SGIP1: variants seen among roughly 807,000 people sequenced by gnomAD.
SGIP1 encodes the protein SH3GL interacting endocytic adaptor 1, also known as SH3-containing GRB2-like protein 3-interacting protein 1.
Under a neutral mutation model 107.5 loss-of-function variants are expected in SGIP1, and 38 were observed. That is an observed-to-expected ratio of 0.35 (90% confidence interval 0.27 to 0.46). SGIP1 has a LOEUF of 0.46. Ranked by LOEUF, SGIP1 falls within the 20% of genes least tolerant of loss-of-function variation. SGIP1 has a pLI of 1.00. For synonymous variants in SGIP1, 365 were observed against 366.1 expected, an observed-to-expected ratio of 1.00 and a Z score of 0.03; for missense variants, 929 against 1,019.5, an observed-to-expected ratio of 0.91 and a Z score of 1.21.
At chr1:66,709,087 T>C (rs186015550) in intron 18 of SGIP1, among the ~76,000 whole-genome samples, 1 of 152,224 alleles carries the variant, frequency 6.6e-6, no homozygotes, top group Non-Finnish European at 1.5e-5. Flanking sequence ...AACGTGCATG[T>C]TTGTTACATA....
intron 19 of SGIP1, among the ~76,000 whole-genome samples, chr1:66,725,021 C>A (rs770588869): frequency 5.3e-5 from 8 of 152,102 alleles, no homozygotes; most frequent in African/African-American, 9.7e-5. Flanking sequence ...GGTTCAGAAC[C>A]AATTTGGCAC....
At chr1:66,624,908 G>A (rs1190061770) in intron 1 of SGIP1, among the ~76,000 whole-genome samples, 1 of 152,202 alleles carries the variant, frequency 6.6e-6, no homozygotes, top group Non-Finnish European at 1.5e-5. Flanking sequence ...GAAGAACCAA[G>A]ACTGGGCTTG....
chr1:66,631,043 GGAAGAAAGAAAGAAAGAAA>G (rs1408522417), intron 2 of SGIP1, among the ~76,000 whole-genome samples: 1 of 114,380 alleles, frequency 8.7e-6, no homozygotes, highest in Non-Finnish European at 1.8e-5. Flanking sequence ...AAGGAAGAAA[GGAAGAAAGAAAGAAAGAAA>G]GAAAGAAAGA....
At chr1:66,609,352 G>A (rs1480538408) in intron 1 of SGIP1, among the ~76,000 whole-genome samples, 1 of 152,170 alleles carries the variant, frequency 6.6e-6, no homozygotes, top group African/African-American at 2.4e-5. Context: ...GGAAGGGGAA[G>A]GTTTCTGTGG....
chr1:66,572,969 TG>T (rs2060582226), intron 1 of SGIP1, among the ~76,000 whole-genome samples: 1 of 152,074 alleles, frequency 6.6e-6, no homozygotes, highest in South Asian at 2.1e-4. Context: ...AAAGATATAT[TG>T]CATTATTCCA....
At chr1:66,735,372 T>C (rs1045507960) in intron 21 of SGIP1, among the ~76,000 whole-genome samples, 2 of 151,862 alleles carry the variant, frequency 1.3e-5, no homozygotes, top group African/African-American at 4.8e-5. Context: ...TGCACCATCA[T>C]CCTGGCTAAT....
At chr1:66,591,811 ACAGT>A (rs1472332250) in intron 1 of SGIP1, among the ~76,000 whole-genome samples, 2 of 152,158 alleles carry the variant, frequency 1.3e-5, no homozygotes, top group Non-Finnish European at 2.9e-5. Flanking sequence ...TGGTGGGGAG[ACAGT>A]CAGCAGGAAA....
chr1:66,660,956 T>G (rs1036666254), intron 8 of SGIP1, among the ~76,000 whole-genome samples: 1 of 152,216 alleles, frequency 6.6e-6, no homozygotes, highest in Admixed American at 6.5e-5. Flanking sequence ...GAATGGGGAG[T>G]TGTAGGGAAG....
chr1:66,704,503 A>AAGG (rs2092316966), intron 18 of SGIP1: 1 of 152,170 alleles, frequency 6.6e-6, no homozygotes, highest in Non-Finnish European at 1.5e-5. Flanking sequence ...AGGATTTGTA[A>AAGG]ATCATAGCAT....
intron 18 of SGIP1, among the ~76,000 whole-genome samples, chr1:66,708,589 T>C (rs2092690855): frequency 6.6e-6 from 1 of 152,166 alleles, no homozygotes; most frequent in South Asian, 2.1e-4. Context: ...ACTTGGATAA[T>C]AAAAAGCAAG....
chr1:66,625,821 T>G (rs1245884950), intron 1 of SGIP1, 26 bp from the exon 2 acceptor site: 1 of 1,607,832 alleles, frequency 6.2e-7, no homozygotes, highest in Non-Finnish European at 8.5e-7. Flanking sequence ...TGAGAGAGTT[T>G]TTGACCCTTT....
chr1:66,719,199 A>T, intron 18 of SGIP1, 95 bp from the exon 19 acceptor site: 2 of 761,690 alleles, frequency 2.6e-6, no homozygotes, highest in Non-Finnish European at 2.1e-6. Flanking sequence ...TAAGGGGTAG[A>T]TTTTATTCCT....
At chr1:66,595,455 A>T (rs2064459973) in intron 1 of SGIP1, among the ~76,000 whole-genome samples, 1 of 152,242 alleles carries the variant, frequency 6.6e-6, no homozygotes, top group Non-Finnish European at 1.5e-5. Context: ...AGCTGAAAAC[A>T]TATTATTTCT....
chr1:66,635,938 T>C lies in SGIP1; in HGVS notation c.100-6T>C. The C allele has an allele frequency of 1.9e-6, 3 of 1,613,556 alleles. No homozygotes were observed. The highest frequency in any genetic ancestry group is 2.5e-6 in the Non-Finnish European group (3 of 1,179,790). ...CTTTTTTCTACATGAAAACAATCAA[T>C]TCCAGCAGCCCAGCCCACACGAACC... is the stretch of plus-strand genomic sequence containing the variant. On this transcript the variant is annotated splice_polypyrimidine_tract_variant and splice_region_variant and intron_variant, in intron 3 of 24. Coordinates refer to ENST00000371037, the MANE Select transcript of SGIP1 (RefSeq NM_032291.4).
At chr1:66,644,841 A>G (rs2077391448) in intron 7 of SGIP1, among the ~76,000 whole-genome samples, 1 of 152,182 alleles carries the variant, frequency 6.6e-6, no homozygotes, top group African/African-American at 2.4e-5. Context: ...GTGATTTTTA[A>G]TCATATACTC....
intron 1 of SGIP1, among the ~76,000 whole-genome samples, chr1:66,562,303 A>G (rs568799480): frequency 1.7e-4 from 26 of 152,146 alleles, no homozygotes; most frequent in Non-Finnish European, 1.6e-4. Context: ...TGCAATAGAT[A>G]TTAGAGGAAA....
chr1:66,684,881 T>C (rs1435874001), intron 15 of SGIP1, among the ~76,000 whole-genome samples: 2 of 152,248 alleles, frequency 1.3e-5, no homozygotes, highest in African/African-American at 4.8e-5. Context: ...TAAAGACTCT[T>C]GATTCTTCAT....
intron 1 of SGIP1, among the ~76,000 whole-genome samples, chr1:66,575,615 G>A (rs1221394018): frequency 6.6e-6 from 1 of 152,100 alleles, no homozygotes; most frequent in Non-Finnish European, 1.5e-5. Flanking sequence ...CTGGGGTTCA[G>A]TTTTCACCAA....
intron 1 of SGIP1, among the ~76,000 whole-genome samples, chr1:66,595,104 C>T (rs754120788): frequency 6.6e-6 from 1 of 152,194 alleles, no homozygotes; most frequent in East Asian, 1.9e-4. Flanking sequence ...TCACCTGAAC[C>T]ATGCTAAAGA....
Sources: gnomAD v4.1 joint callset for allele counts (sites outside exome capture counted in the v4.1 genomes callset) on GRCh38, gnomAD v4.1.1 for gene constraint, MANE v1.5 for transcripts, NCBI Gene and HGNC (gene_info 2026-07-23, HGNC 2026-07-21) for gene names.